MTUS2: variants seen among roughly 807,000 people sequenced by gnomAD.
MTUS2 encodes the protein microtubule-associated tumor suppressor candidate 2.
A neutral mutation model predicts 114.1 loss-of-function variants in MTUS2; 40 were observed. The observed-to-expected ratio is 0.35, with a 90% CI of 0.27 to 0.46. MTUS2 has a LOEUF of 0.46. MTUS2 is among the 20% of genes least tolerant of loss of function. The probability of loss-of-function intolerance (pLI) is 1.00; values close to 1 mark genes in which losing one functional copy is unlikely to be tolerated. For synonymous variants in MTUS2, 688 were observed against 672.0 expected, an observed-to-expected ratio of 1.02 and a Z score of -0.37; for missense variants, 1,679 against 1,705.4, an observed-to-expected ratio of 0.98 and a Z score of 0.27.
At chr13:28,960,502 A>AT (rs1413816360) in intron 2 of MTUS2, among the ~76,000 whole-genome samples, 6 of 152,236 alleles carry the variant, frequency 3.9e-5, no homozygotes, top group African/African-American at 1.2e-4. Context: ...ATCCTCATAC[A>AT]ATTGAATGTT....
chr13:29,004,609 A>G (rs531109202), intron 2 of MTUS2, among the ~76,000 whole-genome samples: 6 of 152,266 alleles, frequency 3.9e-5, no homozygotes, highest in Non-Finnish European at 5.9e-5. Context: ...TATGTGTATC[A>G]TCAGAAGTTG....
intron 8 of MTUS2, among the ~76,000 whole-genome samples, chr13:29,427,315 T>G (rs1336707658): frequency 1.3e-5 from 2 of 152,246 alleles, no homozygotes; most frequent in Non-Finnish European, 2.9e-5. Flanking sequence ...TTATAAAACT[T>G]TGCTTTCTCA....
intron 5 of MTUS2, among the ~76,000 whole-genome samples, chr13:29,120,353 G>A (rs911648312): frequency 6.6e-6 from 1 of 151,824 alleles, no homozygotes; most frequent in Non-Finnish European, 1.5e-5. Flanking sequence ...CTTCATTCTT[G>A]TTGTAATAGT....
intron 2 of MTUS2, among the ~76,000 whole-genome samples, chr13:28,963,322 G>A (rs1330431610): frequency 6.6e-6 from 1 of 152,164 alleles, no homozygotes; most frequent in Non-Finnish European, 1.5e-5. Flanking sequence ...CTGCACTCCA[G>A]CCTGAGCGTC....
intron 2 of MTUS2, among the ~76,000 whole-genome samples, chr13:28,888,673 C>T (rs2496118): frequency 0.65 from 99,345 of 151,862 alleles, 35,108 homozygotes; most frequent in Non-Finnish European, 0.79. Flanking sequence ...CCGCCTGCCT[C>T]AGCCTCCCAA....
Position 28,941,341 on chromosome 13 carries a change from A to G in MTUS2, c.-242-83116A>G, listed in dbSNP as rs556373706. ...TATATGTGTTTATACACTGTAATGT[A>G]TATGGATAATACACTACAGGAATTT... is the stretch of plus-strand genomic sequence containing the variant. On this transcript the variant is annotated intron_variant, in intron 2 of 15. Transcript: ENST00000612955. Among the ~76,000 whole-genome samples, 196 of 152,242 alleles carry G rather than the reference A, an allele frequency of 1.3e-3. 1 individual carries two copies. Among genetic ancestry groups the G allele is most frequent in the African/African-American group, 4.5e-3 (185 of 41,568 alleles).
At chr13:28,897,082 C>T (rs1278503141) in intron 2 of MTUS2, among the ~76,000 whole-genome samples, 1 of 152,168 alleles carries the variant, frequency 6.6e-6, no homozygotes, top group African/African-American at 2.4e-5. Flanking sequence ...AGCTTCTGCA[C>T]AGCAAAAGAA....
At chr13:29,062,475 T>A (rs1888467794) in intron 4 of MTUS2, among the ~76,000 whole-genome samples, 1 of 152,140 alleles carries the variant, frequency 6.6e-6, no homozygotes, top group African/African-American at 2.4e-5. Flanking sequence ...CACTGGCAAA[T>A]AAGAGCTGGA....
chr13:29,199,616 A>G lies in MTUS2; in HGVS notation c.2645-82088A>G, dbSNP rs185674607. Among the ~76,000 whole-genome samples the G allele has an allele frequency of 3.9e-3, 588 of 152,270 alleles. 3 individuals are homozygous for G. Among genetic ancestry groups the G allele is most frequent in the Non-Finnish European group, 6.4e-3 (437 of 68,026 alleles). On this transcript the variant is annotated intron_variant, in intron 5 of 15. Coordinates refer to ENST00000612955, the MANE Select transcript of MTUS2 (RefSeq NM_001033602.4). ...CCAGTATTTTATTGAGGATTTTCTC[A>G]TTGATGTTCATCAGGGATATGGGCC...
chr13:28,901,924 TTAGTTTGAGAATAATTGACATCTTTAC>T (rs1879669009), intron 2 of MTUS2, among the ~76,000 whole-genome samples: 2 of 152,192 alleles, frequency 1.3e-5, no homozygotes, highest in Non-Finnish European at 2.9e-5. Context: ...TTGCATTAGA[TTAGTTTGAGAATAATTGACATCTTTAC>T]TATGTTGAAT....
At position 28,941,545 on chromosome 13, in the gene MTUS2, T is replaced by A. The variant is rs532281780; in HGVS notation, c.-242-82912T>A. On this transcript the variant is annotated intron_variant, in intron 2 of 15. Coordinates refer to ENST00000612955, the MANE Select transcript of MTUS2 (RefSeq NM_001033602.4). ...TTTTAGTATTTTATATTTTTAAATATTTTTGAAAATTTGGTGAATGTTTAG... is the reference window on the plus strand; with the variant it reads ...TTTTAGTATTTTATATTTTTAAATAATTTTGAAAATTTGGTGAATGTTTAG... 5.4e-3 allele frequency among the ~76,000 whole-genome samples: 827 copies of A among 151,888 alleles called. 5 individuals are homozygous for A. The highest frequency in any genetic ancestry group is 0.018 in the African/African-American group (757 of 41,272).
chr13:29,169,302 G>A (rs1593552033), intron 5 of MTUS2, among the ~76,000 whole-genome samples: 1 of 152,132 alleles, frequency 6.6e-6, no homozygotes, highest in East Asian at 1.9e-4. Flanking sequence ...AGAATAAAAA[G>A]AAGCACATTG....
At chr13:29,350,960 C>CATATATATATATATATATATTTCATAT (rs1869192087) in intron 7 of MTUS2, among the ~76,000 whole-genome samples, 1 of 128,576 alleles carries the variant, frequency 7.8e-6, no homozygotes, top group Admixed American at 7.6e-5. Flanking sequence ...ATATATATTT[C>CATATATATATATATATATATTTCATAT]ATATATATAT....
chr13:29,435,829 C>T (rs764259425), intron 8 of MTUS2, among the ~76,000 whole-genome samples: 53 of 152,328 alleles, frequency 3.5e-4, no homozygotes, highest in East Asian at 3.9e-4. Flanking sequence ...CGCCAAACTG[C>T]GCAGGCTGGC....
chr13:29,079,636 A>G (rs1461548524), intron 4 of MTUS2, among the ~76,000 whole-genome samples: 1 of 152,188 alleles, frequency 6.6e-6, no homozygotes, highest in Non-Finnish European at 1.5e-5. Context: ...ATTTAACACC[A>G]TTTGTTGAAA....
chr13:29,102,830 T>C (rs1274475516), intron 5 of MTUS2, among the ~76,000 whole-genome samples: 2 of 152,234 alleles, frequency 1.3e-5, no homozygotes, highest in Admixed American at 6.5e-5. Flanking sequence ...GAGATGATGC[T>C]TTGATGACAG....
chr13:29,384,869 C>G (rs1872528751), intron 8 of MTUS2, among the ~76,000 whole-genome samples: 1 of 152,344 alleles, frequency 6.6e-6, no homozygotes, highest in Admixed American at 6.5e-5. Flanking sequence ...TGAAAACAGA[C>G]CACAGCTCCT....
chr13:28,906,158 A>G (rs1396028816), intron 2 of MTUS2, among the ~76,000 whole-genome samples: 1 of 151,140 alleles, frequency 6.6e-6, no homozygotes, highest in Non-Finnish European at 1.5e-5. Context: ...CTTCTTTATT[A>G]GTCTTGCTAG....
rs199945692 is a variant in MTUS2 at position 29,359,399 on chromosome 13, G to T, written c.3043G>T (p.Ala1015Ser). Reference protein sequence around the residue: ...CEQQTRQLGVAQGELKRAICG... With the variant: ...CEQQTRQLGVSQGELKRAICG... ...GCAGCAGACCAGACAGCTGGGCGTT[G>T]CGCAAGGGGAGCTGAAGAGGGCCAT... Residue 1015 changes from alanine (A) to serine (S), a missense_variant, in exon 8 of 16, where the codon GCG (alanine) becomes TCG (serine). Coordinates refer to ENST00000612955, the MANE Select transcript of MTUS2 (RefSeq NM_001033602.4). 38 of 1,613,594 alleles carry T rather than the reference G, an allele frequency of 2.4e-5. No individual in the cohort carries two copies. In the African/African-American group the frequency reaches 4.8e-4, roughly 20 times the overall value.
Sources: allele counts gnomAD v4.1 joint callset (sites outside exome capture counted in the v4.1 genomes callset), GRCh38; gene constraint gnomAD v4.1.1; transcripts MANE v1.5; gene names NCBI Gene and HGNC (gene_info 2026-07-23, HGNC 2026-07-21).